Variants in MAML3 observed in about 807,000 individuals in gnomAD.
The protein encoded by MAML3 is mastermind like transcriptional coactivator 3.
MAML3 carries 27 observed loss-of-function variants against 101.9 expected under a neutral mutation model. The ratio of observed to expected loss-of-function variants is 0.27; its 90% CI spans 0.20 to 0.37. The LOEUF (loss-of-function observed/expected upper bound fraction) is 0.37. MAML3 is among the 10% of genes least tolerant of loss of function. The pLI, the probability that MAML3 is intolerant of heterozygous loss-of-function variation, is 1.00. For missense variants in MAML3, 1,316 were observed against 1,444.9 expected (o/e 0.91, Z 1.45); for synonymous variants, 501 against 555.9 (o/e 0.90, Z 1.39).
intron 2 of MAML3, among the ~76,000 whole-genome samples, chr4:139,886,266 C>G (rs920201160): frequency 6.6e-6 from 1 of 151,854 alleles, no homozygotes; most frequent in Non-Finnish European, 1.5e-5. Flanking sequence ...CAAATCAATT[C>G]AACTAAGAAT....
chr4:140,066,986 T>C (rs1727547014), intron 1 of MAML3, among the ~76,000 whole-genome samples: 1 of 152,212 alleles, frequency 6.6e-6, no homozygotes, highest in Non-Finnish European at 1.5e-5. Context: ...TTTATGTAAA[T>C]GGGTTAGGGC....
intron 1 of MAML3, among the ~76,000 whole-genome samples, chr4:140,054,933 T>C (rs1366220566): frequency 2.6e-5 from 4 of 152,238 alleles, no homozygotes; most frequent in Admixed American, 6.5e-5. Flanking sequence ...AGAAATTTTG[T>C]CTTCATTTTT....
intron 2 of MAML3, among the ~76,000 whole-genome samples, chr4:139,746,949 C>T (rs934017915): frequency 2.0e-5 from 3 of 152,070 alleles, no homozygotes; most frequent in African/African-American, 7.2e-5. Flanking sequence ...GTCGGGGGTT[C>T]ATCTTAAGAA....
At chr4:139,855,868 T>G (rs1731652314) in intron 2 of MAML3, among the ~76,000 whole-genome samples, 1 of 152,204 alleles carries the variant, frequency 6.6e-6, no homozygotes, top group Admixed American at 6.5e-5. Flanking sequence ...ACTCTATGCT[T>G]CCTAATAAAA....
intron 1 of MAML3, among the ~76,000 whole-genome samples, chr4:139,964,819 A>T (rs776958663): frequency 1.2e-4 from 19 of 152,188 alleles, no homozygotes; most frequent in Non-Finnish European, 2.6e-4. Context: ...TAGGCTTTAA[A>T]TCCAGTGGTA....
intron 2 of MAML3, among the ~76,000 whole-genome samples, chr4:139,873,598 T>C (rs1189078028): frequency 6.6e-6 from 1 of 152,224 alleles, no homozygotes; most frequent in East Asian, 1.9e-4. Flanking sequence ...GAACTGTGGC[T>C]TCCTCCTTGG....
chr4:139,940,157 G>T (rs1330478614), intron 1 of MAML3, among the ~76,000 whole-genome samples: 3 of 152,076 alleles, frequency 2.0e-5, no homozygotes, highest in African/African-American at 7.2e-5. Flanking sequence ...CTTTCACATT[G>T]TTTCAAATTG....
At chr4:139,915,746 G>A (rs1329006376) in intron 1 of MAML3, among the ~76,000 whole-genome samples, 1 of 152,102 alleles carries the variant, frequency 6.6e-6, no homozygotes, top group Non-Finnish European at 1.5e-5. Context: ...TATATGGAGT[G>A]GGGGTTCACA....
At chr4:139,722,305 C>T (rs1051144580) in intron 4 of MAML3, among the ~76,000 whole-genome samples, 4 of 152,124 alleles carry the variant, frequency 2.6e-5, no homozygotes, top group African/African-American at 9.7e-5. Context: ...GCAATTGCCA[C>T]ATTCTTTTTC....
chr4:140,063,464 G>A (rs757129630), intron 1 of MAML3, among the ~76,000 whole-genome samples: 4 of 152,144 alleles, frequency 2.6e-5, no homozygotes, highest in Admixed American at 1.3e-4. Context: ...GGTAAGAGAG[G>A]TCCCCTGTCC....
At chr4:139,793,566 T>C (rs1312394136) in intron 2 of MAML3, among the ~76,000 whole-genome samples, 4 of 152,178 alleles carry the variant, frequency 2.6e-5, no homozygotes, top group Non-Finnish European at 5.9e-5. Context: ...TAAATACTAA[T>C]TCCTGCCAAA....
chr4:140,152,808 A>ACCCCCCC, intron 1 of MAML3, 52 bp downstream of exon 1: 1 of 1,466,240 alleles, frequency 6.8e-7, no homozygotes, highest in South Asian at 1.4e-5. Context: ...GCCCCCCACC[A>ACCCCCCC]CCACCACCAC....
intron 1 of MAML3, among the ~76,000 whole-genome samples, chr4:140,085,041 T>G (rs962695942): frequency 1.3e-5 from 2 of 152,146 alleles, no homozygotes; most frequent in African/African-American, 4.8e-5. Context: ...CTCCCCTGAA[T>G]ATCCCCTCTG....
At chr4:139,767,932 G>C (rs190408311) in intron 2 of MAML3, among the ~76,000 whole-genome samples, 41 of 152,268 alleles carry the variant, frequency 2.7e-4, no homozygotes, top group African/African-American at 8.9e-4. Context: ...TGGCCAGAAT[G>C]GCATATTATA....
chr4:140,039,213 A>G (rs1727038441), intron 1 of MAML3, among the ~76,000 whole-genome samples: 1 of 152,182 alleles, frequency 6.6e-6, no homozygotes, highest in African/African-American at 2.4e-5. Context: ...AATCACAGAA[A>G]GAAGAGTAAA....
intron 1 of MAML3, among the ~76,000 whole-genome samples, chr4:140,142,028 C>T (rs1271741695): frequency 1.3e-5 from 2 of 151,946 alleles, no homozygotes; most frequent in Non-Finnish European, 2.9e-5. Flanking sequence ...AATAAGAAAC[C>T]ACCAAAGTAT....
At chr4:139,807,311 G>C (rs1475270319) in intron 2 of MAML3, among the ~76,000 whole-genome samples, 1 of 152,044 alleles carries the variant, frequency 6.6e-6, no homozygotes, top group Non-Finnish European at 1.5e-5. Context: ...GTGTATGTCT[G>C]AGTTTAGAAC....
intron 1 of MAML3, among the ~76,000 whole-genome samples, chr4:139,988,187 C>A (rs1734586502): frequency 6.6e-6 from 1 of 151,202 alleles, no homozygotes; most frequent in Non-Finnish European, 1.5e-5. Context: ...ATTAGCCGGG[C>A]CTGGTGGTGT....
intron 2 of MAML3, among the ~76,000 whole-genome samples, chr4:139,737,255 T>C (rs557982590): frequency 6.6e-6 from 1 of 152,300 alleles, no homozygotes; most frequent in South Asian, 2.1e-4. Context: ...ATGGGGCACC[T>C]ACTCATTGCA....
Sources: gnomAD v4.1 joint callset for allele counts (sites outside exome capture counted in the v4.1 genomes callset) on GRCh38, gnomAD v4.1.1 for gene constraint, MANE v1.5 for transcripts, NCBI Gene and HGNC (gene_info 2026-07-23, HGNC 2026-07-21) for gene names.